Variants in SIPA1L1 observed in about 807,000 individuals in gnomAD.
SIPA1L1 encodes the protein signal-induced proliferation-associated 1-like protein 1.
SIPA1L1 carries 26 observed loss-of-function variants against 162.7 expected under a neutral mutation model. The observed-to-expected ratio is 0.16, with a 90% CI of 0.12 to 0.22. SIPA1L1 has a LOEUF of 0.22. SIPA1L1 is among the 10% of genes least tolerant of loss of function. The pLI, the probability that SIPA1L1 is intolerant of heterozygous loss-of-function variation, is 1.00. For synonymous variants in SIPA1L1, 829 were observed against 837.4 expected (o/e 0.99, Z 0.17); for missense variants, 1,874 against 2,241.0 (o/e 0.84, Z 3.31).
chr14:71,398,965 TTAAA>T (rs1225062207), intron 2 of SIPA1L1, among the ~76,000 whole-genome samples: 6 of 152,256 alleles, frequency 3.9e-5, no homozygotes, highest in South Asian at 2.1e-4. Context: ...ATACATATTC[TTAAA>T]TAAAGTAATA....
intron 2 of SIPA1L1, among the ~76,000 whole-genome samples, chr14:71,363,133 GTGAT>G (rs1364795681): frequency 2.0e-5 from 3 of 152,122 alleles, no homozygotes; most frequent in Admixed American, 2.0e-4. Flanking sequence ...CCTTCATCCA[GTGAT>G]TGATTGATCA....
At position 71,543,865 on chromosome 14, in the gene SIPA1L1, A is replaced by T. The variant is rs185691260; in HGVS notation, c.-303+14495A>T. Among the ~76,000 whole-genome samples the T allele has an allele frequency of 4.6e-4, 66 of 144,140 alleles. 1 individual carries two copies. The East Asian group carries it at 0.013, about 28-fold the overall frequency. 94.6% of individuals were successfully genotyped at this position (144,140 alleles called of 152,430 possible). A position where few individuals can be genotyped will look rare whatever the true frequency, so the allele number is the denominator to read the frequency against. On this transcript the variant is annotated intron_variant, in intron 4 of 23. Transcript: ENST00000381232. ...ATGTATGTGTATATATACATATATC[A>T]TACGTATGTGTATATATACATATAT...
At position 71,410,265 on chromosome 14, in the gene SIPA1L1, T is replaced by C. The variant is rs150691940; in HGVS notation, c.-465+89084T>C. Among the ~76,000 whole-genome samples, 247 of 152,362 alleles carry C rather than the reference T, an allele frequency of 1.6e-3. 2 individuals are homozygous for C. The highest frequency in any genetic ancestry group is 4.8e-3 in the East Asian group (25 of 5,194). Reference sequence around the variant, plus strand: ...CATCACACTATGTCTACCTTAGTACTAAGCATATTTCAGTAGGCTTTTAGT... The same window carrying C: ...CATCACACTATGTCTACCTTAGTACCAAGCATATTTCAGTAGGCTTTTAGT... On this transcript the variant is annotated intron_variant, in intron 2 of 23. Transcript: ENST00000381232.
intron 17 of SIPA1L1, among the ~76,000 whole-genome samples, chr14:71,712,899 G>A (rs934027326): frequency 3.9e-5 from 6 of 152,124 alleles, no homozygotes; most frequent in African/African-American, 1.4e-4. Context: ...TCAGACACCT[G>A]TAGCCAATTA....
intron 4 of SIPA1L1, chr14:71,586,414 G>A (rs987280622): frequency 1.3e-5 from 2 of 152,250 alleles, no homozygotes; most frequent in African/African-American, 2.4e-5. Flanking sequence ...AGTGCAGCAA[G>A]TGCAGGTCGT....
intron 4 of SIPA1L1, among the ~76,000 whole-genome samples, chr14:71,542,426 G>GCTGCTGCTGCTGCTT (rs1264397223): frequency 6.9e-6 from 1 of 145,620 alleles, no homozygotes; most frequent in East Asian, 2.1e-4. Context: ...TCTTCTTCCT[G>GCTGCTGCTGCTGCTT]CTGCTGCTGC....
At chr14:71,706,107 A>G (rs1004562671) in intron 16 of SIPA1L1, among the ~76,000 whole-genome samples, 2 of 152,174 alleles carry the variant, frequency 1.3e-5, no homozygotes, top group African/African-American at 4.8e-5. Context: ...TAAATGAGAG[A>G]TGCATGTAAG....
chr14:71,582,888 G>A (rs1228467319), intron 4 of SIPA1L1, among the ~76,000 whole-genome samples: 3 of 152,172 alleles, frequency 2.0e-5, no homozygotes, highest in Non-Finnish European at 4.4e-5. Flanking sequence ...CCATGACATT[G>A]CACTAAGATG....
At chr14:71,489,369 A>G (rs1487380158) in intron 2 of SIPA1L1, among the ~76,000 whole-genome samples, 1 of 152,162 alleles carries the variant, frequency 6.6e-6, no homozygotes, top group Non-Finnish European at 1.5e-5. Flanking sequence ...GTCCACACTC[A>G]TTACTTCCAG....
At chr14:71,505,071 T>G (rs2050546532) in intron 2 of SIPA1L1, among the ~76,000 whole-genome samples, 1 of 152,238 alleles carries the variant, frequency 6.6e-6, no homozygotes, top group African/African-American at 2.4e-5. Flanking sequence ...GCATTTTCAT[T>G]GTTTCTCTTT....
intron 10 of SIPA1L1, among the ~76,000 whole-genome samples, chr14:71,662,592 C>G (rs935646485): frequency 6.6e-6 from 1 of 152,194 alleles, no homozygotes; most frequent in Non-Finnish European, 1.5e-5. Context: ...AGCCCAGTCT[C>G]TTAACCACGC....
intron 2 of SIPA1L1, among the ~76,000 whole-genome samples, chr14:71,467,787 G>A (rs73302910): frequency 6.6e-6 from 1 of 151,404 alleles, no homozygotes; most frequent in African/African-American, 2.4e-5. Context: ...AGGATGAGGT[G>A]GGAGGATTGC....
At chr14:71,347,011 G>A (rs948417190) in intron 2 of SIPA1L1, among the ~76,000 whole-genome samples, 28 of 151,632 alleles carry the variant, frequency 1.8e-4, no homozygotes, top group African/African-American at 6.1e-4. Context: ...GAGTGCAGTG[G>A]TGTGATCTCG....
intron 2 of SIPA1L1, among the ~76,000 whole-genome samples, chr14:71,326,908 C>T (rs747364790): frequency 6.6e-6 from 1 of 150,510 alleles, no homozygotes; most frequent in Admixed American, 6.6e-5. Context: ...GACAGGGTTT[C>T]GCCATGTTGG....
At chr14:71,351,883 A>G (rs1274721171) in intron 2 of SIPA1L1, among the ~76,000 whole-genome samples, 1 of 151,900 alleles carries the variant, frequency 6.6e-6, no homozygotes, top group Non-Finnish European at 1.5e-5. Flanking sequence ...CTCTGTACTC[A>G]GCCAACTGGA....
intron 14 of SIPA1L1, among the ~76,000 whole-genome samples, chr14:71,700,780 G>A (rs1484901341): frequency 6.6e-6 from 1 of 151,946 alleles, no homozygotes. Flanking sequence ...GGATCACGAG[G>A]TCAGGAGATC....
At chr14:71,479,683 C>T (rs1318327778) in intron 2 of SIPA1L1, among the ~76,000 whole-genome samples, 2 of 152,126 alleles carry the variant, frequency 1.3e-5, no homozygotes, top group East Asian at 1.9e-4. Context: ...TAGGAGATTA[C>T]AGACATGAAC....
chr14:71,627,216 T>A (rs1436208715), intron 7 of SIPA1L1, among the ~76,000 whole-genome samples: 1 of 130,180 alleles, frequency 7.7e-6, no homozygotes, highest in Non-Finnish European at 1.6e-5. Flanking sequence ...TGGAGTGCAG[T>A]GGCGCGATCT....
intron 15 of SIPA1L1, 128 bp from the exon 16 acceptor site, chr14:71,705,094 C>A: frequency 1.4e-6 from 1 of 717,830 alleles, no homozygotes; most frequent in Non-Finnish European, 2.5e-6. Flanking sequence ...TCTTAACAAG[C>A]TTACTGCTGA....
Sources: allele counts gnomAD v4.1 joint callset (sites outside exome capture counted in the v4.1 genomes callset), GRCh38; gene constraint gnomAD v4.1.1; transcripts MANE v1.5; gene names NCBI Gene and HGNC (gene_info 2026-07-23, HGNC 2026-07-21).